The following ASCC2 variants were observed in gnomAD, a reference collection of about 807,000 sequenced individuals.
The protein encoded by ASCC2 is ASC-1 complex subunit P100.
A neutral mutation model predicts 93.5 loss-of-function variants in ASCC2; 42 were observed. That is an observed-to-expected ratio of 0.45 (90% CI 0.35 to 0.58). ASCC2 has a LOEUF of 0.58. ASCC2 is among the 20% of genes least tolerant of loss of function. The probability of loss-of-function intolerance (pLI) is 0.00; values close to 1 mark genes in which losing one functional copy is unlikely to be tolerated. For synonymous variants in ASCC2, 364 were observed against 384.2 expected (o/e 0.95, Z 0.62); for missense variants, 859 against 977.6 (o/e 0.88, Z 1.62).
intron 8 of ASCC2, chr22:29,810,425 T>C (rs2060150733): frequency 6.6e-6 from 1 of 152,232 alleles, no homozygotes; most frequent in Non-Finnish European, 1.5e-5. Flanking sequence ...TCTGGCAATG[T>C]CTATCCTACT....
In ASCC2 at chr22:29,793,418, C is replaced by T. The variant is rs911287561; in HGVS notation, c.1861G>A (p.Asp621Asn). ...TCATTGGCGCCCACCTGGTTGCCATCGTATGTGTCATCGTACTCATCCTCG... is the reference window on the plus strand; with the variant it reads ...TCATTGGCGCCCACCTGGTTGCCATTGTATGTGTCATCGTACTCATCCTCG... ...YYEDEYDDTY[D>N]GNQVGANDAD... is the part of the protein sequence containing the mutation. The change falls in exon 17 of 20, where the codon GAT (aspartate) becomes AAT (asparagine). Residue 621 changes from aspartate (D) to asparagine (N), a missense_variant. By Grantham distance (23) the Asp-to-Asn change is conservative. Coordinates refer to ENST00000307790, the MANE Select transcript of ASCC2 (RefSeq NM_032204.5). 25 of 1,614,134 alleles carry T rather than the reference C, an allele frequency of 1.5e-5. No homozygotes were observed. Among genetic ancestry groups the T allele is most frequent in the East Asian group, 4.5e-5 (2 of 44,880 alleles).
intron 4 of ASCC2, among the ~76,000 whole-genome samples, chr22:29,823,576 G>A (rs1018481576): frequency 3.3e-5 from 5 of 152,192 alleles, no homozygotes; most frequent in Non-Finnish European, 7.3e-5. Flanking sequence ...GGCCAGGCGC[G>A]ATGGCTCGCG....
chr22:29,834,248 CGGGGTGAA>C (rs2063504064), intron 1 of ASCC2: 1 of 243,838 alleles, frequency 4.1e-6, no homozygotes, highest in Admixed American at 5.1e-5. Context: ...AGGGGTGAGA[CGGGGTGAA>C]GGGGTGGAGT....
At chr22:29,822,617 C>T (rs1038419177) in intron 4 of ASCC2, among the ~76,000 whole-genome samples, 153 bp from the exon 5 acceptor site, 6 of 151,494 alleles carry the variant, frequency 4.0e-5, no homozygotes, top group Non-Finnish European at 8.8e-5. Context: ...CATTCTCCCC[C>T]CGCCCTTTTT....
At position 29,802,119 on chromosome 22, in the gene ASCC2, G is replaced by C. The variant is rs375230185; in HGVS notation, c.1443C>G (p.Asp481Glu). Reference sequence around the variant, plus strand: ...AGGCCAGGATGAAGCCCTCACCAAGGTCTGGCAGCAGGTCCTTCACTTGGG... The same window carrying C: ...AGGCCAGGATGAAGCCCTCACCAAGCTCTGGCAGCAGGTCCTTCACTTGGG... ...LISQVKDLLP[D>E]LGEGFILACL... Residue 481 changes from aspartate to glutamate, a missense_variant, in exon 14 of 20, where the codon GAC (aspartate) becomes GAG (glutamate). By Grantham distance (45) the Asp-to-Glu change is conservative. Transcript: ENST00000307790. The C allele has an allele frequency of 4.3e-6, 7 of 1,614,084 alleles. No individual in the cohort carries two copies. The highest frequency in any genetic ancestry group is 5.9e-6 in the Non-Finnish European group (7 of 1,180,038).
At position 29,825,428 on chromosome 22, in the gene ASCC2, T is replaced by A; in HGVS notation, c.241-171A>T. 1 of 1,137,624 alleles carries A rather than the reference T, an allele frequency of 8.8e-7. No homozygotes were observed. Among genetic ancestry groups the A allele is most frequent in the Non-Finnish European group, 1.2e-6 (1 of 805,458 alleles). 70.5% of individuals were successfully genotyped at this position (1,137,624 alleles called of 1,614,324 possible). A position where few individuals can be genotyped will look rare whatever the true frequency, so the allele number is the denominator to read the frequency against. ...AAGGGCTAAACACAAGATTCTAAAATTGACACTTTGAAAGGTGTGTAAACA... is the reference window on the plus strand; with the variant it reads ...AAGGGCTAAACACAAGATTCTAAAAATGACACTTTGAAAGGTGTGTAAACA... On this transcript the variant is annotated intron_variant, in intron 3 of 19. Coordinates refer to ENST00000307790, the MANE Select transcript of ASCC2 (RefSeq NM_032204.5). The surrounding 1 kb of genome is among the most constrained non-coding windows in gnomAD (Gnocchi z 4.9).
chr22:29,825,742 G>A lies in ASCC2; in HGVS notation c.120C>T (p.Tyr40=). The change falls in exon 3 of 20, where the codon TAC becomes TAT. Residue 40 remains tyrosine (Y), a synonymous_variant. Coordinates refer to ENST00000307790, the MANE Select transcript of ASCC2 (RefSeq NM_032204.5). This position sits in a 1 kb window ranked among gnomAD's most constrained non-coding sequence, Gnocchi z 4.9. ...EQKADRYFVL[Y]KPPPKDNIPA... ...GAATGTTGTCTTTAGGGGGCGGTTT[G>A]TATAACACAAAATACCGGTCTGCCT... 6.2e-7 allele frequency: 1 copy of A among 1,613,724 alleles called. No individual in the cohort carries two copies. The highest frequency in any genetic ancestry group is 8.5e-7 in the Non-Finnish European group (1 of 1,179,622).
chr22:29,790,602 A>G (rs2147308662), intron 18 of ASCC2, 54 bp from the exon 19 acceptor site: 1 of 1,562,610 alleles, frequency 6.4e-7, no homozygotes, highest in Non-Finnish European at 8.8e-7. Flanking sequence ...ACATTTTCCT[A>G]AGCGGCGATG....
intron 2 of ASCC2, among the ~76,000 whole-genome samples, chr22:29,829,070 G>A (rs1425899146): frequency 6.6e-6 from 1 of 152,046 alleles, no homozygotes; most frequent in African/African-American, 2.4e-5. Flanking sequence ...CAGCTACTCG[G>A]GAGGCTGAGG....
In ASCC2 at chr22:29,816,011, G is replaced by T. The variant is rs763243010; in HGVS notation, c.604C>A (p.Leu202Ile). 1 of 1,591,936 alleles carries T rather than the reference G, an allele frequency of 6.3e-7. No individual in the cohort carries two copies. The highest frequency in any genetic ancestry group is 8.6e-7 in the Non-Finnish European group (1 of 1,168,114). ...SDLDETLPTI[L>I]QVFSNILQHC... ...GCAGGGCCAAGAGCTGGTACCTGAA[G>T]GATGGTAGGCAGGGTTTCATCCAGG... is the stretch of plus-strand genomic sequence containing the variant. The change falls in exon 6 of 20, where the codon CTT becomes ATT. Residue 202 changes from leucine to isoleucine, a missense_variant. Coordinates refer to ENST00000307790, the MANE Select transcript of ASCC2 (RefSeq NM_032204.5).
chr22:29,802,832 G>A (rs2059250596), intron 13 of ASCC2, among the ~76,000 whole-genome samples: 1 of 152,036 alleles, frequency 6.6e-6, no homozygotes, highest in African/African-American at 2.4e-5. Context: ...AGCTACTTAG[G>A]AGGCTGAGGT....
chr22:29,817,774 A>G (rs2148042237), intron 5 of ASCC2, among the ~76,000 whole-genome samples: 1 of 152,320 alleles, frequency 6.6e-6, no homozygotes, highest in Admixed American at 6.5e-5. Context: ...TTCTAATGAC[A>G]GTGACGATGT....
intron 15 of ASCC2, among the ~76,000 whole-genome samples, chr22:29,795,683 T>C (rs532324548): frequency 3.3e-5 from 5 of 152,186 alleles, no homozygotes; most frequent in African/African-American, 4.8e-5. Flanking sequence ...CTCGGGTGCA[T>C]TGGGTGGGAG....
chr22:29,829,521 G>A (rs2062853754), intron 2 of ASCC2, among the ~76,000 whole-genome samples: 1 of 152,052 alleles, frequency 6.6e-6, no homozygotes, highest in Non-Finnish European at 1.5e-5. Context: ...AGGAGTTCGA[G>A]ACTAGCCTGG....
chr22:29,807,558 C>T (rs1337484485), intron 9 of ASCC2, among the ~76,000 whole-genome samples: 3 of 152,128 alleles, frequency 2.0e-5, no homozygotes, highest in Admixed American at 2.0e-4. Flanking sequence ...TGCCTTAGTA[C>T]AAGCAGGACT....
intron 8 of ASCC2, among the ~76,000 whole-genome samples, chr22:29,811,015 G>A (rs1373365114): frequency 6.6e-6 from 1 of 152,178 alleles, no homozygotes; most frequent in East Asian, 1.9e-4. Context: ...ACAGCCATGA[G>A]CCACTGCGCC....
intron 2 of ASCC2, among the ~76,000 whole-genome samples, chr22:29,830,804 A>G (rs2063046360): frequency 6.6e-6 from 1 of 152,198 alleles, no homozygotes; most frequent in Non-Finnish European, 1.5e-5. Context: ...CTCATGTACC[A>G]AATGTTTTCT....
intron 18 of ASCC2, among the ~76,000 whole-genome samples, chr22:29,791,624 T>C (rs567651499): frequency 1.1e-4 from 16 of 152,274 alleles, no homozygotes; most frequent in African/African-American, 3.4e-4. Context: ...GAGGTTGCAG[T>C]GAGCCAAGAT....
At chr22:29,820,872 C>T (rs536041471) in intron 5 of ASCC2, among the ~76,000 whole-genome samples, 1 of 147,012 alleles carries the variant, frequency 6.8e-6, no homozygotes, top group African/African-American at 2.5e-5. Flanking sequence ...CACCATTGCA[C>T]TCTAGCCTGG....
Sources: allele counts gnomAD v4.1 joint callset (sites outside exome capture counted in the v4.1 genomes callset), GRCh38; gene constraint gnomAD v4.1.1; non-coding constraint Gnocchi (gnomAD v3.1); transcripts MANE v1.5; gene names NCBI Gene and HGNC (gene_info 2026-07-23, HGNC 2026-07-21).